Variants in OXR1 observed in about 807,000 individuals in gnomAD.
OXR1 encodes the protein oxidation resistance 1, also known as oxidation resistance protein 1.
In OXR1, 41 loss-of-function variants were observed where a neutral mutation model predicts 104.6. The ratio of observed to expected loss-of-function variants is 0.39; its 90% CI spans 0.31 to 0.51. The LOEUF (loss-of-function observed/expected upper bound fraction) is 0.51. Among genes scored for constraint, OXR1 ranks in the 20% least tolerant of loss-of-function variants. The pLI is 0.77. For synonymous variants in OXR1, 348 were observed against 348.4 expected, an observed-to-expected ratio of 1.00 and a Z score of 0.01; for missense variants, 955 against 1,031.9, an observed-to-expected ratio of 0.93 and a Z score of 1.02.
At chr8:106,327,397 A>G (rs1814514880) in intron 1 of OXR1, among the ~76,000 whole-genome samples, 1 of 152,200 alleles carries the variant, frequency 6.6e-6, no homozygotes, top group Non-Finnish European at 1.5e-5. Context: ...TCTGTCCTTA[A>G]TTCTAGCATT....
At chr8:106,338,750 T>C (rs1435813233) in intron 1 of OXR1, among the ~76,000 whole-genome samples, 1 of 152,126 alleles carries the variant, frequency 6.6e-6, no homozygotes, top group Non-Finnish European at 1.5e-5. Flanking sequence ...TTGTTGTAAT[T>C]TTATCTTTTG....
At chr8:106,456,236 G>C (rs976464404) in intron 2 of OXR1, among the ~76,000 whole-genome samples, 8 of 152,158 alleles carry the variant, frequency 5.3e-5, no homozygotes, top group Non-Finnish European at 1.2e-4. Context: ...ACAGAACGAA[G>C]ATACTGTCTT....
intron 1 of OXR1, among the ~76,000 whole-genome samples, chr8:106,276,390 A>C (rs1812037745): frequency 2.0e-5 from 3 of 152,234 alleles, no homozygotes; most frequent in African/African-American, 4.8e-5. Flanking sequence ...GATGAGCCAG[A>C]ATACTAACCA....
chr8:106,592,923 ATACTG>A (rs777883755), intron 3 of OXR1, among the ~76,000 whole-genome samples: 13 of 152,166 alleles, frequency 8.5e-5, no homozygotes, highest in Non-Finnish European at 1.8e-4. Context: ...AACGCTAGCA[ATACTG>A]AACTCCATGT....
chr8:106,573,859 A>G (rs916867082), intron 3 of OXR1, among the ~76,000 whole-genome samples: 1 of 152,158 alleles, frequency 6.6e-6, no homozygotes, highest in African/African-American at 2.4e-5. Flanking sequence ...AATTCCTTGA[A>G]TGTTCTCCAT....
At position 106,547,148 on chromosome 8, in the gene OXR1, C is replaced by G. The variant is rs1815423933; in HGVS notation, c.220+28009C>G. Among the ~76,000 whole-genome samples the G allele has an allele frequency of 2.0e-5, 3 of 152,310 alleles. No individual in the cohort carries two copies. In the South Asian group the frequency reaches 6.2e-4, roughly 32 times the overall value. ...TCATGATCCACCCGCCTCAGCCTCC[C>G]AAAGTGCTGGGATTACAGGCGTGAG... On this transcript the variant is annotated intron_variant, in intron 3 of 16. Transcript: ENST00000517566.
chr8:106,304,740 G>T (rs934061350), intron 1 of OXR1, among the ~76,000 whole-genome samples: 1 of 151,996 alleles, frequency 6.6e-6, no homozygotes. Context: ...CTTTTTAAGG[G>T]CTCAGTAGCC....
intron 6 of OXR1, among the ~76,000 whole-genome samples, chr8:106,691,110 T>A (rs1357934502): frequency 6.6e-6 from 1 of 152,066 alleles, no homozygotes; most frequent in Non-Finnish European, 1.5e-5. Context: ...ATTAAACTTT[T>A]TGTAAATCAT....
intron 2 of OXR1, among the ~76,000 whole-genome samples, chr8:106,508,545 T>A (rs564449844): frequency 1.3e-5 from 2 of 152,302 alleles, no homozygotes; most frequent in East Asian, 3.9e-4. Flanking sequence ...AGGGCAGCTT[T>A]CAAAAGAAAT....
intron 2 of OXR1, chr8:106,447,980 G>A (rs1173154685): frequency 6.5e-7 from 1 of 1,534,648 alleles, no homozygotes; most frequent in Non-Finnish European, 8.7e-7. Context: ...GATCCGCCCC[G>A]GCTCCCACAC....
intron 2 of OXR1, among the ~76,000 whole-genome samples, chr8:106,481,404 G>A (rs765986933): frequency 4.6e-5 from 7 of 151,898 alleles, no homozygotes; most frequent in Non-Finnish European, 1.0e-4. Flanking sequence ...GATACAGAAG[G>A]CTTTTCAATA....
At chr8:106,380,232 T>A (rs1455666229) in intron 2 of OXR1, among the ~76,000 whole-genome samples, 2 of 147,662 alleles carry the variant, frequency 1.4e-5, no homozygotes, top group Admixed American at 1.3e-4. Context: ...TATATAGTCT[T>A]CTCTTTCTGT....
chr8:106,440,614 A>C (rs774895018), intron 2 of OXR1, among the ~76,000 whole-genome samples: 6 of 152,230 alleles, frequency 3.9e-5, no homozygotes, highest in South Asian at 2.1e-4. Context: ...CCACTGTTGA[A>C]TAGATTACTA....
intron 1 of OXR1, among the ~76,000 whole-genome samples, chr8:106,271,094 AG>A (rs1015261750): frequency 6.6e-6 from 1 of 151,608 alleles, no homozygotes; most frequent in Non-Finnish European, 1.5e-5. Context: ...TTGGGTGAAG[AG>A]GGGGGGAGCT....
intron 14 of OXR1, among the ~76,000 whole-genome samples, chr8:106,741,454 T>C (rs1406358748): frequency 1.3e-5 from 2 of 152,154 alleles, no homozygotes; most frequent in Non-Finnish European, 2.9e-5. Context: ...TGCATGGGAC[T>C]TTGCCATGTG....
At chr8:106,371,462 T>G (rs1816704665) in intron 2 of OXR1, among the ~76,000 whole-genome samples, 1 of 152,210 alleles carries the variant, frequency 6.6e-6, no homozygotes, top group Admixed American at 6.5e-5. Flanking sequence ...CTCTTGCCTC[T>G]CTAGCTCTTT....
At chr8:106,363,646 C>T (rs954752012) in intron 2 of OXR1, among the ~76,000 whole-genome samples, 1 of 152,032 alleles carries the variant, frequency 6.6e-6, no homozygotes, top group Non-Finnish European at 1.5e-5. Flanking sequence ...GCCCTCACTC[C>T]ATTTGGTGGA....
chr8:106,557,431 G>T (rs557276113), intron 3 of OXR1, among the ~76,000 whole-genome samples: 1 of 152,206 alleles, frequency 6.6e-6, no homozygotes, highest in East Asian at 1.9e-4. Context: ...CAATAATGTT[G>T]GTGATTGACA....
At chr8:106,374,101 A>G (rs1391584046) in intron 2 of OXR1, among the ~76,000 whole-genome samples, 1 of 152,204 alleles carries the variant, frequency 6.6e-6, no homozygotes, top group African/African-American at 2.4e-5. Flanking sequence ...ATAATTGCCT[A>G]GAAAGGGCTA....
Sources: allele counts gnomAD v4.1 joint callset (sites outside exome capture counted in the v4.1 genomes callset), GRCh38; gene constraint gnomAD v4.1.1; transcripts MANE v1.5; gene names NCBI Gene and HGNC (gene_info 2026-07-23, HGNC 2026-07-21).